Variants in KCNQ3 observed in about 807,000 individuals in gnomAD.
KCNQ3 encodes the protein potassium voltage-gated channel subfamily Q member 3.
Under a neutral mutation model 92.5 loss-of-function variants are expected in KCNQ3, and 30 were observed. That is an observed-to-expected ratio of 0.32 (90% CI 0.24 to 0.44). The LOEUF is 0.44. KCNQ3 is among the 20% of genes least tolerant of loss of function. The probability of loss-of-function intolerance (pLI) is 1.00; values close to 1 mark genes in which losing one functional copy is unlikely to be tolerated. For missense variants in KCNQ3, 913 were observed against 1,140.3 expected (o/e 0.80, Z 2.87); for synonymous variants, 450 against 468.8 (o/e 0.96, Z 0.52).
intron 1 of KCNQ3, among the ~76,000 whole-genome samples, chr8:132,315,253 G>A (rs1817707957): frequency 1.3e-5 from 2 of 152,236 alleles, no homozygotes; most frequent in South Asian, 4.2e-4. Flanking sequence ...GAGCTGCTTA[G>A]GTGGTAGAAA....
intron 1 of KCNQ3, among the ~76,000 whole-genome samples, chr8:132,195,857 G>T (rs1272177536): frequency 1.3e-5 from 2 of 152,164 alleles, no homozygotes; most frequent in Admixed American, 1.3e-4. Context: ...ACTAGAGCTA[G>T]GGTGGCTATA....
chr8:132,336,309 C>T (rs2130673583), intron 1 of KCNQ3, among the ~76,000 whole-genome samples: 1 of 152,314 alleles, frequency 6.6e-6, no homozygotes, highest in Middle Eastern at 3.4e-3. Context: ...GTCAGTGGGC[C>T]ACACACCATC....
At chr8:132,340,057 T>A (rs965871303) in intron 1 of KCNQ3, among the ~76,000 whole-genome samples, 7 of 151,716 alleles carry the variant, frequency 4.6e-5, no homozygotes, top group Non-Finnish European at 7.4e-5. Context: ...AAAACCACAA[T>A]GAGATACCAT....
chr8:132,288,164 G>A (rs1816730882), intron 1 of KCNQ3, among the ~76,000 whole-genome samples: 1 of 152,090 alleles, frequency 6.6e-6, no homozygotes, highest in South Asian at 2.1e-4. Flanking sequence ...GATTCTTGAA[G>A]GCAGCATTCT....
rs138564641 is a variant in KCNQ3, at chr8:132,400,942, A to G, written c.386+79205T>C. On this transcript the variant is annotated intron_variant, in intron 1 of 14. Coordinates refer to ENST00000388996, the MANE Select transcript of KCNQ3 (RefSeq NM_004519.4). ...GAGGGAGCCTGTCCAGGCCCCTGAC[A>G]TGATCTCAGCATTCTGTTAATTCCC... Among the ~76,000 whole-genome samples, 1,124 of 152,324 alleles carry G rather than the reference A, an allele frequency of 7.4e-3. 7 individuals carry two copies. The highest frequency in any genetic ancestry group is 0.017 in the Middle Eastern group (5 of 294).
At chr8:132,383,441 G>A (rs1819806640) in intron 1 of KCNQ3, among the ~76,000 whole-genome samples, 1 of 152,168 alleles carries the variant, frequency 6.6e-6, no homozygotes, top group Non-Finnish European at 1.5e-5. Context: ...TGGCAGCAGA[G>A]GTCAGAGAAA....
At chr8:132,375,576 T>C (rs1819585285) in intron 1 of KCNQ3, among the ~76,000 whole-genome samples, 1 of 152,176 alleles carries the variant, frequency 6.6e-6, no homozygotes, top group Non-Finnish European at 1.5e-5. Flanking sequence ...GGTCCTGGGG[T>C]ATGGAGAAAG....
intron 1 of KCNQ3, among the ~76,000 whole-genome samples, chr8:132,444,794 ACT>A (rs1390089947): frequency 2.6e-5 from 4 of 152,108 alleles, no homozygotes; most frequent in Non-Finnish European, 4.4e-5. Flanking sequence ...CAGGCATGGG[ACT>A]CTGTCACATC....
intron 1 of KCNQ3, among the ~76,000 whole-genome samples, chr8:132,384,123 A>G (rs1244399413): frequency 6.6e-6 from 1 of 152,104 alleles, no homozygotes; most frequent in Non-Finnish European, 1.5e-5. Flanking sequence ...CTCTGCCCTA[A>G]GACCTGCCCT....
intron 1 of KCNQ3, among the ~76,000 whole-genome samples, chr8:132,427,162 T>A (rs1821133244): frequency 6.6e-6 from 1 of 152,140 alleles, no homozygotes. Flanking sequence ...TGCCTATGAT[T>A]GATTTGTGAT....
intron 1 of KCNQ3, among the ~76,000 whole-genome samples, chr8:132,385,520 T>C (rs1819867179): frequency 6.6e-6 from 1 of 152,118 alleles, no homozygotes; most frequent in Non-Finnish European, 1.5e-5. Context: ...AATGGACTAA[T>C]GTTATCCAGG....
At chr8:132,421,118 G>T (rs1456549530) in intron 1 of KCNQ3, among the ~76,000 whole-genome samples, 2 of 152,160 alleles carry the variant, frequency 1.3e-5, no homozygotes, top group African/African-American at 2.4e-5. Flanking sequence ...GGAGGGCTTT[G>T]CTGTGTTTTC....
At chr8:132,289,398 G>C (rs1477236174) in intron 1 of KCNQ3, among the ~76,000 whole-genome samples, 1 of 152,178 alleles carries the variant, frequency 6.6e-6, no homozygotes. Flanking sequence ...GTTGCCAGCA[G>C]AGCCAGCTCC....
intron 1 of KCNQ3, among the ~76,000 whole-genome samples, chr8:132,296,515 A>G (rs1213142418): frequency 1.6e-4 from 24 of 151,768 alleles, no homozygotes; most frequent in Non-Finnish European, 2.9e-5. Context: ...CGTTAGGTAT[A>G]TCTCCTAATG....
chr8:132,403,631 G>A (rs1303365049), intron 1 of KCNQ3, among the ~76,000 whole-genome samples: 1 of 152,196 alleles, frequency 6.6e-6, no homozygotes, highest in Non-Finnish European at 1.5e-5. Context: ...CTTCAAGGAA[G>A]GAAAGTATCA....
chr8:132,426,438 G>A lies in KCNQ3; in HGVS notation c.386+53709C>T, dbSNP rs1821112037. ...AGGGGGCACCCCCGCCAGTAAGCCTGCCTCTCACAGCCTGGTTTGCTCTCT... is the reference window on the plus strand; with the variant it reads ...AGGGGGCACCCCCGCCAGTAAGCCTACCTCTCACAGCCTGGTTTGCTCTCT... On this transcript the variant is annotated intron_variant, in intron 1 of 14. Transcript: ENST00000388996. 2.0e-5 allele frequency among the ~76,000 whole-genome samples: 3 copies of A among 152,226 alleles called. No individual in the cohort carries two copies. The South Asian group carries it at 6.2e-4, about 31-fold the overall frequency.
At chr8:132,168,675 A>C (rs1356509644) in intron 8 of KCNQ3, among the ~76,000 whole-genome samples, 1 of 150,002 alleles carries the variant, frequency 6.7e-6, no homozygotes, top group East Asian at 2.0e-4. Flanking sequence ...TATTTCCATA[A>C]TCTGGAGATG....
chr8:132,180,255 G>T lies in KCNQ3; in HGVS notation c.679C>A (p.Arg227=), dbSNP rs796052675. 1.9e-6 allele frequency: 3 copies of T among 1,614,038 alleles called. No individual in the cohort carries two copies. Among genetic ancestry groups the T allele is most frequent in the Middle Eastern group, 1.6e-4 (1 of 6,082 alleles). Residue 227 remains arginine, a synonymous_variant, in exon 4 of 15, where the codon CGA becomes AGA. Coordinates refer to ENST00000388996, the MANE Select transcript of KCNQ3 (RefSeq NM_004519.4). ...AGGATCTGCAGGAAGCGCAGGCTTC[G>T]CAGGGAGGTGGCCAGAACATTGCCT... ...NQGNVLATSL[R]SLRFLQILRM...
At chr8:132,285,431 T>C (rs1816652283) in intron 1 of KCNQ3, among the ~76,000 whole-genome samples, 1 of 152,244 alleles carries the variant, frequency 6.6e-6, no homozygotes, top group Non-Finnish European at 1.5e-5. Context: ...TTGGATGCAC[T>C]GTGTCCATGC....
Sources: allele counts gnomAD v4.1 joint callset (sites outside exome capture counted in the v4.1 genomes callset), GRCh38; gene constraint gnomAD v4.1.1; transcripts MANE v1.5; gene names NCBI Gene and HGNC (gene_info 2026-07-23, HGNC 2026-07-21).